BRDT: variants seen among roughly 807,000 people sequenced by gnomAD.
BRDT encodes the protein bromodomain testis associated, also known as bromodomain testis-specific protein.
Under a neutral mutation model 113.9 loss-of-function variants are expected in BRDT, and 77 were observed. That is an observed-to-expected ratio of 0.68 (90% CI 0.56 to 0.82). The LOEUF (loss-of-function observed/expected upper bound fraction) is 0.82. Ranked by LOEUF, BRDT falls within the 40% of genes least tolerant of loss-of-function variation. The pLI, the probability that BRDT is intolerant of heterozygous loss-of-function variation, is 0.00. For synonymous variants in BRDT, 358 were observed against 366.5 expected, an observed-to-expected ratio of 0.98 and a Z score of 0.26; for missense variants, 1,027 against 1,105.4, an observed-to-expected ratio of 0.93 and a Z score of 1.01.
intron 6 of BRDT, 23 bp downstream of exon 6, chr1:91,977,416 G>T (rs753190976): frequency 4.2e-6 from 6 of 1,441,402 alleles, no homozygotes; most frequent in South Asian, 1.5e-5. Context: ...TTAAAAGGAA[G>T]AACTTCTTTT....
intron 18 of BRDT, among the ~76,000 whole-genome samples, chr1:92,006,718 C>T (rs954589635): frequency 6.2e-4 from 95 of 152,208 alleles, no homozygotes; most frequent in African/African-American, 2.1e-3. Context: ...TCGCCTGCCT[C>T]GGCCTCCCAA....
intron 4 of BRDT, among the ~76,000 whole-genome samples, chr1:91,969,404 G>T (rs980471565): frequency 5.3e-5 from 8 of 151,226 alleles, no homozygotes; most frequent in African/African-American, 1.9e-4. Context: ...GATCCTTAAG[G>T]TGGGTCATAA....
intron 12 of BRDT, among the ~76,000 whole-genome samples, chr1:91,989,742 C>T (rs1379498536): frequency 6.6e-6 from 1 of 152,158 alleles, no homozygotes; most frequent in South Asian, 2.1e-4. Flanking sequence ...CCTCCTATGC[C>T]TAGCCCACAA....
intron 3 of BRDT, among the ~76,000 whole-genome samples, chr1:91,966,549 A>G (rs1007092020): frequency 6.6e-6 from 1 of 152,204 alleles, no homozygotes; most frequent in African/African-American, 2.4e-5. Flanking sequence ...GAATTTTTAA[A>G]AAATCAGTAC....
chr1:91,977,202 C>T lies in BRDT; in HGVS notation c.778C>T (p.Gln260Ter). 6.2e-7 allele frequency: 1 copy of T among 1,613,966 alleles called. No homozygotes were observed. Among genetic ancestry groups the T allele is most frequent in the East Asian group, 2.2e-5 (1 of 44,840 alleles). Residue 260 changes from glutamine to a stop codon, truncating the protein, a stop_gained, in exon 6 of 19, where the codon CAA becomes TAA. Coordinates refer to ENST00000399546, the MANE Select transcript of BRDT (RefSeq NM_207189.4). LOFTEE classifies it high-confidence loss of function. ...PKNVLPDSQQ[Q>*]YNVVKTVKVT... Reference sequence around the variant, plus strand: ...GAATGTTTTGCCAGATTCTCAGCAACAATATAATGTTGTGAAGACTGTTAA... The same window carrying T: ...GAATGTTTTGCCAGATTCTCAGCAATAATATAATGTTGTGAAGACTGTTAA...
At chr1:91,981,874 CT>C in intron 12 of BRDT, 119 bp downstream of exon 12, 1 of 1,285,474 alleles carries the variant, frequency 7.8e-7, no homozygotes, top group Non-Finnish European at 1.0e-6. Flanking sequence ...GTATATCATG[CT>C]AATTATTTAA....
chr1:91,978,032 C>A, intron 6 of BRDT, 136 bp from the exon 7 acceptor site: 2 of 881,638 alleles, frequency 2.3e-6, no homozygotes, highest in Non-Finnish European at 3.2e-6. Flanking sequence ...AAAATTTTAA[C>A]ATTTGTCAAA....
intron 12 of BRDT, among the ~76,000 whole-genome samples, chr1:91,985,246 G>A (rs1299758054): frequency 6.6e-6 from 1 of 151,678 alleles, no homozygotes; most frequent in Non-Finnish European, 1.5e-5. Context: ...ATTTTTAGTA[G>A]AGACGGGGTT....
intron 12 of BRDT, among the ~76,000 whole-genome samples, chr1:91,990,048 T>C (rs998304661): frequency 1.3e-5 from 2 of 152,216 alleles, no homozygotes; most frequent in Admixed American, 6.5e-5. Context: ...TCATGAAAGC[T>C]GGCTTGGAGA....
intron 12 of BRDT, among the ~76,000 whole-genome samples, chr1:91,982,975 G>C (rs138274267): frequency 1.2e-4 from 19 of 152,236 alleles, no homozygotes; most frequent in African/African-American, 4.3e-4. Context: ...TAATAAGTTA[G>C]AGCACTTTGT....
intron 3 of BRDT, among the ~76,000 whole-genome samples, chr1:91,967,352 C>T (rs575683323): frequency 6.6e-6 from 1 of 151,734 alleles, no homozygotes; most frequent in African/African-American, 2.4e-5. Flanking sequence ...TCTCCTGCCT[C>T]AGCCTCCTGA....
At chr1:91,986,401 C>CTAAA (rs1359363451) in intron 12 of BRDT, among the ~76,000 whole-genome samples, 2 of 152,280 alleles carry the variant, frequency 1.3e-5, no homozygotes, top group Admixed American at 6.5e-5. Context: ...CAGGAACTGT[C>CTAAA]TAAATATAAG....
At chr1:91,976,016 T>G (rs1212000265) in intron 4 of BRDT, among the ~76,000 whole-genome samples, 1 of 152,210 alleles carries the variant, frequency 6.6e-6, no homozygotes, top group Non-Finnish European at 1.5e-5. Context: ...TTATTAGTCT[T>G]GGTTTAAGCC....
rs767325968 is a variant in BRDT at position 92,004,458 on chromosome 1, A to T, written c.2433A>T (p.Lys811Asn). Residue 811 changes from lysine to asparagine, a missense_variant, in exon 17 of 19, where the codon AAA (lysine) becomes AAT (asparagine). Coordinates refer to ENST00000399546, the MANE Select transcript of BRDT (RefSeq NM_207189.4). The stretch of plus-strand genomic sequence containing the variant: ...CAGATTCATGGAAAAGTTTAGGCAA[A>T]CCAGTGAAACCATCAGGTGTAATGA... Reference protein sequence around the residue: ...KNADSWKSLGKPVKPSGVMKS... With the variant: ...KNADSWKSLGNPVKPSGVMKS... The T allele has an allele frequency of 4.3e-6, 7 of 1,610,402 alleles. No homozygotes were observed. The highest frequency in any genetic ancestry group is 1.3e-5 in the African/African-American group (1 of 74,708).
At chr1:91,981,903 T>A in intron 12 of BRDT, 148 bp downstream of exon 12, 1 of 1,173,348 alleles carries the variant, frequency 8.5e-7, no homozygotes, top group Non-Finnish European at 1.2e-6. Context: ...TTGACAATCT[T>A]AGTATTTTCC....
intron 1 of BRDT, among the ~76,000 whole-genome samples, chr1:91,961,382 C>T (rs1300290243): frequency 3.9e-5 from 6 of 152,030 alleles, no homozygotes; most frequent in Non-Finnish European, 5.9e-5. Context: ...GTAATCTCAG[C>T]ACCTTGGGAG....
chr1:92,001,962 C>T, intron 15 of BRDT, 87 bp from the exon 16 acceptor site: 1 of 931,812 alleles, frequency 1.1e-6, no homozygotes, highest in Non-Finnish European at 1.6e-6. Context: ...TTCATAGTGT[C>T]TGACCTGGAA....
chr1:91,995,438 T>C (rs1686220857), intron 15 of BRDT, among the ~76,000 whole-genome samples: 1 of 60,334 alleles, frequency 1.7e-5, no homozygotes, highest in Admixed American at 1.9e-4. Context: ...TGTGTGTGTG[T>C]GTGTGTGTGT....
Position 91,973,390 on chromosome 1 carries a change from G to A in BRDT, c.446-2876G>A, listed in dbSNP as rs545117558. Among the ~76,000 whole-genome samples the A allele has an allele frequency of 3.2e-3, 489 of 152,066 alleles. 5 individuals are homozygous for A. The highest frequency in any genetic ancestry group is 0.011 in the African/African-American group (469 of 41,462). ...CCTTGGGCAGTATGGCCATTTTCAC[G>A]ATATTGATTCTTCCTATCCATGAGC... is the stretch of plus-strand genomic sequence containing the variant. On this transcript the variant is annotated intron_variant, in intron 4 of 18. Transcript: ENST00000399546.
Sources: allele counts gnomAD v4.1 joint callset (sites outside exome capture counted in the v4.1 genomes callset), GRCh38; gene constraint gnomAD v4.1.1; transcripts MANE v1.5; gene names NCBI Gene and HGNC (gene_info 2026-07-23, HGNC 2026-07-21).